MPHOSPH8: variants seen among roughly 807,000 people sequenced by gnomAD.
MPHOSPH8 encodes M-phase phosphoprotein 8.
MPHOSPH8 carries 45 observed loss-of-function variants against 87.3 expected under a neutral mutation model. The observed-to-expected ratio is 0.52, with a 90% CI of 0.41 to 0.66. The LOEUF is 0.66. Among genes scored for constraint, MPHOSPH8 ranks in the 30% least tolerant of loss-of-function variants. The pLI, the probability that MPHOSPH8 is intolerant of heterozygous loss-of-function variation, is 0.00. For synonymous variants in MPHOSPH8, 366 were observed against 376.9 expected (o/e 0.97, Z 0.33); for missense variants, 883 against 1,020.2 (o/e 0.87, Z 1.83).
chr13:19,634,756 A>G (rs962251236), intron 1 of MPHOSPH8, among the ~76,000 whole-genome samples: 4 of 152,172 alleles, frequency 2.6e-5, no homozygotes, highest in African/African-American at 4.8e-5. Flanking sequence ...CTCTCCTGCT[A>G]TATGTGGTCT....
At chr13:19,637,635 T>C (rs1375320474) in intron 1 of MPHOSPH8, among the ~76,000 whole-genome samples, 5 of 152,134 alleles carry the variant, frequency 3.3e-5, no homozygotes, top group Non-Finnish European at 5.9e-5. Flanking sequence ...CTGATGTTTA[T>C]TCTAAAACCA....
chr13:19,671,035 G>C (rs904112247), intron 12 of MPHOSPH8, 171 bp from the exon 13 acceptor site: 19 of 1,379,286 alleles, frequency 1.4e-5, no homozygotes, highest in Non-Finnish European at 1.7e-5. Context: ...TGGCCAGGCT[G>C]GTCTCAAACT....
intron 2 of MPHOSPH8, among the ~76,000 whole-genome samples, chr13:19,644,600 G>T (rs1158962673): frequency 6.6e-6 from 1 of 152,202 alleles, no homozygotes; most frequent in African/African-American, 2.4e-5. Context: ...ACTCCGGCAG[G>T]AGCATCAGTC....
At chr13:19,665,144 GT>G (rs1875745423) in intron 9 of MPHOSPH8, among the ~76,000 whole-genome samples, 1 of 152,036 alleles carries the variant, frequency 6.6e-6, no homozygotes, top group South Asian at 2.1e-4. Flanking sequence ...AGGGCGTGGC[GT>G]TTCTTCCCTG....
intron 5 of MPHOSPH8, among the ~76,000 whole-genome samples, chr13:19,653,460 G>C (rs1218137729): frequency 6.6e-6 from 1 of 152,220 alleles, no homozygotes; most frequent in Non-Finnish European, 1.5e-5. Flanking sequence ...AAGATGGGGA[G>C]AAACCAGTGC....
intron 1 of MPHOSPH8, 83 bp downstream of exon 1, chr13:19,634,044 A>G (rs1873859241): frequency 7.1e-7 from 1 of 1,408,178 alleles, no homozygotes. Context: ...CAGCACGGGC[A>G]GACCCAAAAC....
intron 2 of MPHOSPH8, among the ~76,000 whole-genome samples, 198 bp from the exon 3 acceptor site, chr13:19,646,245 C>T (rs1874556131): frequency 6.6e-6 from 1 of 152,184 alleles, no homozygotes; most frequent in African/African-American, 2.4e-5. Context: ...CAGACTCACA[C>T]TTGCCCTCAC....
At chr13:19,639,992 GCTA>G (rs1874203323) in intron 1 of MPHOSPH8, among the ~76,000 whole-genome samples, 1 of 152,082 alleles carries the variant, frequency 6.6e-6, no homozygotes, top group African/African-American at 2.4e-5. Flanking sequence ...TGTAATCTCA[GCTA>G]CTTGGGAGGC....
At chr13:19,655,569 G>C (rs1408851789) in intron 5 of MPHOSPH8, among the ~76,000 whole-genome samples, 3 of 152,088 alleles carry the variant, frequency 2.0e-5, no homozygotes, top group Non-Finnish European at 4.4e-5. Flanking sequence ...ATTTTTTATA[G>C]AGATGGGTTT....
chr13:19,640,159 C>A lies in MPHOSPH8; in HGVS notation c.214-1956C>A, dbSNP rs376425533. Among the ~76,000 whole-genome samples, 71 of 152,132 alleles carry A rather than the reference C, an allele frequency of 4.7e-4. 2 individuals carry two copies. In the East Asian group the frequency reaches 0.01, roughly 22 times the overall value. ...GTAAGACACTGGGTTTGAATTTCAGCTGAACTACCCATTAGCTGTGTGATC... is the reference window on the plus strand; with the variant it reads ...GTAAGACACTGGGTTTGAATTTCAGATGAACTACCCATTAGCTGTGTGATC... On this transcript the variant is annotated intron_variant, in intron 1 of 13. Coordinates refer to ENST00000361479, the MANE Select transcript of MPHOSPH8 (RefSeq NM_017520.4).
chr13:19,671,098 T>C lies in MPHOSPH8; in HGVS notation c.2458-108T>C. The C allele has an allele frequency of 1.5e-5, 22 of 1,486,290 alleles. No individual in the cohort carries two copies. In the South Asian group the frequency reaches 1.8e-4, roughly 12 times the overall value. 92.1% of individuals were successfully genotyped at this position (1,486,290 alleles called of 1,614,324 possible). On this transcript the variant is annotated intron_variant, in intron 12 of 13. Coordinates refer to ENST00000361479, the MANE Select transcript of MPHOSPH8 (RefSeq NM_017520.4). Reference sequence around the variant, plus strand: ...GCCTCCTCCACAACATCTTGACTTATGAAATAAAAAATAAAACTTATTTAT... The same window carrying C: ...GCCTCCTCCACAACATCTTGACTTACGAAATAAAAAATAAAACTTATTTAT...
intron 3 of MPHOSPH8, among the ~76,000 whole-genome samples, chr13:19,647,786 T>C (rs897963745): frequency 6.6e-6 from 1 of 152,132 alleles, no homozygotes; most frequent in Admixed American, 6.5e-5. Flanking sequence ...ATTATGAGAG[T>C]ATTTATATAT....
rs186159154 is a variant in MPHOSPH8, at chr13:19,653,837, G to A, written c.1576+3577G>A. The stretch of plus-strand genomic sequence containing the variant: ...TTGAAGATCAACTTAATGAAATAAA[G>A]CAAGAAGACAAGATTAGAGGAAAAA... On this transcript the variant is annotated intron_variant, in intron 5 of 13. Coordinates refer to ENST00000361479, the MANE Select transcript of MPHOSPH8 (RefSeq NM_017520.4). Among the ~76,000 whole-genome samples the A allele has an allele frequency of 4.4e-3, 673 of 152,226 alleles. 3 individuals carry two copies. Among genetic ancestry groups the A allele is most frequent in the African/African-American group, 0.016 (653 of 41,532 alleles).
At chr13:19,652,934 G>C (rs908604678) in intron 5 of MPHOSPH8, among the ~76,000 whole-genome samples, 1 of 152,140 alleles carries the variant, frequency 6.6e-6, no homozygotes, top group African/African-American at 2.4e-5. Flanking sequence ...CCACAGTCAG[G>C]GTCTTGTAGA....
Position 19,671,384 on chromosome 13 carries a change from G to A in MPHOSPH8, c.2541+95G>A, listed in dbSNP as rs113584211. On this transcript the variant is annotated intron_variant, in intron 13 of 13. Coordinates refer to ENST00000361479, the MANE Select transcript of MPHOSPH8 (RefSeq NM_017520.4). ...GAAAAAAAATTCCAAGAATCCTGGT[G>A]TACCTGTCCTAGAGACAGGCACTCC... The A allele has an allele frequency of 1.3e-5, 15 of 1,129,114 alleles. No homozygotes were observed. The African/African-American group carries it at 2.2e-4, about 16-fold the overall frequency. 69.9% of individuals were successfully genotyped at this position (1,129,114 alleles called of 1,614,324 possible). A position where few individuals can be genotyped will look rare whatever the true frequency, so the allele number is the denominator to read the frequency against.
At chr13:19,651,399 CA>C (rs1874842158) in intron 5 of MPHOSPH8, among the ~76,000 whole-genome samples, 1 of 151,984 alleles carries the variant, frequency 6.6e-6, no homozygotes, top group South Asian at 2.1e-4. Flanking sequence ...TGGCAGTGTG[CA>C]CCTGTATTCC....
At chr13:19,636,449 T>A (rs1874012731) in intron 1 of MPHOSPH8, among the ~76,000 whole-genome samples, 1 of 152,008 alleles carries the variant, frequency 6.6e-6, no homozygotes, top group Non-Finnish European at 1.5e-5. Context: ...GGTAATAGAG[T>A]AAGCAGAGAA....
intron 2 of MPHOSPH8, among the ~76,000 whole-genome samples, chr13:19,642,623 A>G (rs1213230729): frequency 1.3e-5 from 2 of 152,130 alleles, no homozygotes; most frequent in African/African-American, 4.8e-5. Flanking sequence ...CTGCATTATT[A>G]ACTATGTCTT....
intron 1 of MPHOSPH8, among the ~76,000 whole-genome samples, chr13:19,640,662 C>T (rs1449986722): frequency 2.0e-5 from 3 of 152,026 alleles, no homozygotes; most frequent in African/African-American, 4.8e-5. Context: ...CCTACTACCA[C>T]GCCTGGCTGC....
Sources: gnomAD v4.1 joint callset for allele counts (sites outside exome capture counted in the v4.1 genomes callset) on GRCh38, gnomAD v4.1.1 for gene constraint, MANE v1.5 for transcripts, NCBI Gene and HGNC (gene_info 2026-07-23, HGNC 2026-07-21) for gene names.